CHN2: variants seen among roughly 807,000 people sequenced by gnomAD.
The protein encoded by CHN2 is beta-chimaerin.
CHN2 carries 35 observed loss-of-function variants against 56.3 expected under a neutral mutation model. The ratio of observed to expected loss-of-function variants is 0.62; its 90% CI spans 0.47 to 0.82. CHN2 has a LOEUF of 0.82. Among genes scored for constraint, CHN2 ranks in the 40% least tolerant of loss-of-function variants. The pLI, the probability that CHN2 is intolerant of heterozygous loss-of-function variation, is 0.00. For missense variants in CHN2, 491 were observed against 580.5 expected, an observed-to-expected ratio of 0.85 and a Z score of 1.58; for synonymous variants, 210 against 212.8, an observed-to-expected ratio of 0.99 and a Z score of 0.12.
chr7:29,315,871 T>C (rs1585039616), intron 1 of CHN2, among the ~76,000 whole-genome samples: 2 of 152,182 alleles, frequency 1.3e-5, no homozygotes, highest in Non-Finnish European at 2.9e-5. Context: ...CTCTAAGATA[T>C]CATGGTGTAT....
At chr7:29,208,291 CT>C (rs775138292) in intron 1 of CHN2, among the ~76,000 whole-genome samples, 1 of 152,110 alleles carries the variant, frequency 6.6e-6, no homozygotes, top group African/African-American at 2.4e-5. Flanking sequence ...GCCTTTCCTC[CT>C]TTTTCCCATA....
intron 6 of CHN2, among the ~76,000 whole-genome samples, chr7:29,411,597 T>C (rs1300033815): frequency 1.3e-5 from 2 of 152,150 alleles, no homozygotes; most frequent in East Asian, 1.9e-4. Context: ...AGGGTGACCA[T>C]GTGGTCAAGT....
chr7:29,504,170 G>C (rs11769384), intron 9 of CHN2, among the ~76,000 whole-genome samples: 62,401 of 151,876 alleles, frequency 0.41, 13,935 homozygotes, highest in African/African-American at 0.59. Context: ...TACAATCAGA[G>C]TAATACAGAT....
chr7:29,324,795 C>A (rs1165712421), intron 1 of CHN2, among the ~76,000 whole-genome samples: 2 of 152,086 alleles, frequency 1.3e-5, no homozygotes, highest in African/African-American at 4.8e-5. Flanking sequence ...GGGTTTATTT[C>A]TTGTAAATAT....
At chr7:29,347,490 C>T (rs748704187) in intron 1 of CHN2, among the ~76,000 whole-genome samples, 3 of 152,114 alleles carry the variant, frequency 2.0e-5, no homozygotes, top group African/African-American at 7.2e-5. Context: ...GGGAAGCAGG[C>T]ACCTTCTTCA....
intron 6 of CHN2, among the ~76,000 whole-genome samples, chr7:29,461,831 GA>G (rs1278596768): frequency 6.6e-6 from 1 of 151,534 alleles, no homozygotes; most frequent in African/African-American, 2.4e-5. Context: ...TGGATGGATG[GA>G]TGGATGGATG....
At chr7:29,216,627 G>A (rs1010820156) in intron 1 of CHN2, among the ~76,000 whole-genome samples, 4 of 152,176 alleles carry the variant, frequency 2.6e-5, no homozygotes, top group Admixed American at 2.6e-4. Flanking sequence ...GCTGGTTCAG[G>A]TCTGTGTTGG....
At chr7:29,367,863 G>T in intron 2 of CHN2, 69 bp from the exon 3 acceptor site, 1 of 1,297,452 alleles carries the variant, frequency 7.7e-7, no homozygotes. Context: ...ATATTTGAAG[G>T]CACGTTGATA....
chr7:29,512,563 G>C lies in CHN2; in HGVS notation c.1236-1G>C. The C allele has an allele frequency of 6.2e-7, 1 of 1,610,976 alleles. No homozygotes were observed. Among genetic ancestry groups the C allele is most frequent in the Non-Finnish European group, 8.5e-7 (1 of 1,178,810 alleles). Reference sequence around the variant, plus strand: ...CTCTGTTCTATATGTTTGTTTTGCAGGGTTACTATGAATGAAAAAGACAAT... The same window carrying C: ...CTCTGTTCTATATGTTTGTTTTGCACGGTTACTATGAATGAAAAAGACAAT... On this transcript the variant is annotated splice_acceptor_variant, in intron 12 of 12. Coordinates refer to ENST00000222792, the MANE Select transcript of CHN2 (RefSeq NM_004067.4). LOFTEE classifies it high-confidence loss of function.
At chr7:29,357,148 T>A (rs1419442146) in intron 2 of CHN2, among the ~76,000 whole-genome samples, 1 of 152,236 alleles carries the variant, frequency 6.6e-6, no homozygotes, top group Non-Finnish European at 1.5e-5. Context: ...AACCCTTCTG[T>A]ATTAGTTTTA....
intron 1 of CHN2, among the ~76,000 whole-genome samples, chr7:29,207,675 T>C (rs560753040): frequency 1.3e-5 from 2 of 152,324 alleles, no homozygotes; most frequent in Non-Finnish European, 2.9e-5. Context: ...CTGAGTATTA[T>C]TCGCACAGTG....
Position 29,252,890 on chromosome 7 carries a change from C to T in CHN2, c.49+57900C>T, listed in dbSNP as rs1260599139. On this transcript the variant is annotated intron_variant, in intron 1 of 12. Transcript: ENST00000222792. ...GATTACAGGCGTGAGCCACCGCGCC[C>T]GGCCCTCTAAAATTGCATTCTTATG... 5.9e-5 allele frequency among the ~76,000 whole-genome samples: 7 copies of T among 117,950 alleles called. 1 individual carries two copies. The highest frequency in any genetic ancestry group is 1.1e-4 in the Non-Finnish European group (7 of 63,360). The allele number at this position is 117,950 out of a possible 152,430, so 77.4% of individuals were successfully genotyped here. A position where few individuals can be genotyped will look rare whatever the true frequency, so the allele number is the denominator to read the frequency against.
At chr7:29,335,272 C>T (rs1796529981) in intron 1 of CHN2, among the ~76,000 whole-genome samples, 1 of 152,180 alleles carries the variant, frequency 6.6e-6, no homozygotes, top group Non-Finnish European at 1.5e-5. Context: ...AAAATAGAAC[C>T]AATTCCTGAA....
intron 1 of CHN2, among the ~76,000 whole-genome samples, chr7:29,273,774 C>G (rs1023722466): frequency 6.6e-5 from 10 of 151,426 alleles, no homozygotes; most frequent in Non-Finnish European, 1.5e-4. Flanking sequence ...TGTTTAGTGT[C>G]TGAATTAATG....
intron 2 of CHN2, among the ~76,000 whole-genome samples, chr7:29,186,222 G>A (rs1194062830): frequency 6.6e-6 from 1 of 151,794 alleles, no homozygotes; most frequent in Non-Finnish European, 1.5e-5. Flanking sequence ...GTTCCCCAGA[G>A]CCTGGCCTGC....
intron 2 of CHN2, among the ~76,000 whole-genome samples, chr7:29,361,014 C>T (rs1480124066): frequency 6.6e-6 from 1 of 152,220 alleles, no homozygotes; most frequent in Non-Finnish European, 1.5e-5. Context: ...AAACAGCTTA[C>T]TCTGGTGCTA....
chr7:29,337,262 CCAG>C (rs1796700079), intron 1 of CHN2, among the ~76,000 whole-genome samples: 1 of 152,178 alleles, frequency 6.6e-6, no homozygotes, highest in Admixed American at 6.5e-5. Flanking sequence ...ACAGAGGGTA[CCAG>C]TACAAACAGC....
At chr7:29,397,044 A>G (rs372059058) in intron 4 of CHN2, 1 of 152,288 alleles carries the variant, frequency 6.6e-6, no homozygotes, top group African/African-American at 2.4e-5. Context: ...CATTGCTCCA[A>G]GACCTCCAGA....
chr7:29,461,627 T>C (rs1785166674), intron 6 of CHN2, among the ~76,000 whole-genome samples: 1 of 152,234 alleles, frequency 6.6e-6, no homozygotes, highest in African/African-American at 2.4e-5. Flanking sequence ...ACAGCAAAGC[T>C]TTAGAGATGT....
Sources: allele counts gnomAD v4.1 joint callset (sites outside exome capture counted in the v4.1 genomes callset), GRCh38; gene constraint gnomAD v4.1.1; transcripts MANE v1.5; gene names NCBI Gene and HGNC (gene_info 2026-07-23, HGNC 2026-07-21).